GORAB: variants seen among roughly 807,000 people sequenced by gnomAD.
The protein encoded by GORAB is RAB6-interacting golgin.
GORAB carries 17 observed loss-of-function variants against 29.9 expected under a neutral mutation model. The ratio of observed to expected loss-of-function variants is 0.57; its 90% CI spans 0.39 to 0.85. GORAB has a LOEUF of 0.85. Among genes scored for constraint, GORAB ranks in the 40% least tolerant of loss-of-function variants. The pLI is 0.00. For missense variants in GORAB, 442 were observed against 437.8 expected (o/e 1.01, Z -0.09); for synonymous variants, 183 against 157.2 (o/e 1.16, Z -1.23).
rs765177742 is a variant in GORAB at position 170,539,340 on chromosome 1, G to T, written c.192G>T (p.Gln64His). ...GATCAACCTCATTACTTCCAGAGCA[G>T]CTGCTTTCAGCACCAAAACAGAGAG... ...QDGSTSLLPE[Q>H]LLSAPKQRVN... The change falls in exon 2 of 5, where the codon CAG (glutamine) becomes CAT (histidine). Residue 64 changes from glutamine (Q) to histidine (H), a missense_variant. Coordinates refer to ENST00000367763, the MANE Select transcript of GORAB (RefSeq NM_152281.3). 6.2e-7 allele frequency: 1 copy of T among 1,614,150 alleles called. No homozygotes were observed.
Position 170,544,686 on chromosome 1 carries a change from C to T in GORAB, c.522-19C>T, listed in dbSNP as rs777474951. The T allele has an allele frequency of 1.7e-5, 27 of 1,612,000 alleles. No individual in the cohort carries two copies. Among genetic ancestry groups the T allele is most frequent in the Non-Finnish European group, 2.3e-5 (27 of 1,178,162 alleles). ...TTTAAAATGTTCTTATTTTCCCACT[C>T]ACATACCTGATTTTCTAGATCCAAA... On this transcript the variant is annotated intron_variant, in intron 3 of 4. Coordinates refer to ENST00000367763, the MANE Select transcript of GORAB (RefSeq NM_152281.3).
At chr1:170,532,458 G>C (rs1648751455) in intron 1 of GORAB, 174 bp downstream of exon 1, 2 of 685,602 alleles carry the variant, frequency 2.9e-6, no homozygotes, top group East Asian at 2.7e-5. Flanking sequence ...TGGGAGTCAC[G>C]ACGGGAGGGG....
Position 170,552,598 on chromosome 1 carries a change from A to G in GORAB, c.*136A>G. The G allele has an allele frequency of 1.2e-6, 1 of 811,766 alleles. No homozygotes were observed. The allele number at this position is 811,766 out of a possible 1,614,324, so 50.3% of individuals were successfully genotyped here. A position where few individuals can be genotyped will look rare whatever the true frequency, so the allele number is the denominator to read the frequency against. ...ATTCATGATTAGTTTTAGTAAATTA[A>G]TAGGTTTGGCCATTCTAAAATCCAA... is the stretch of plus-strand genomic sequence containing the variant. On this transcript the variant is annotated 3_prime_UTR_variant, in exon 5 of 5. Transcript: ENST00000367763.
chr1:170,547,538 T>G (rs1385029475), intron 4 of GORAB, among the ~76,000 whole-genome samples: 1 of 152,240 alleles, frequency 6.6e-6, no homozygotes, highest in Admixed American at 6.5e-5. Context: ...AGTGGCTGCA[T>G]GTAGAACATT....
chr1:170,533,094 C>T (rs147165909), intron 1 of GORAB, among the ~76,000 whole-genome samples: 1 of 152,294 alleles, frequency 6.6e-6, no homozygotes, highest in East Asian at 1.9e-4. Flanking sequence ...CGTGGTAGTA[C>T]ACACAATTTC....
chr1:170,538,937 C>G, intron 1 of GORAB: 1 of 425,088 alleles, frequency 2.4e-6, no homozygotes, highest in Non-Finnish European at 4.2e-6. Flanking sequence ...AGAAACTTCA[C>G]TTTGTGACCT....
chr1:170,546,884 C>G (rs1449215074), intron 4 of GORAB, among the ~76,000 whole-genome samples: 5 of 152,042 alleles, frequency 3.3e-5, no homozygotes, highest in African/African-American at 4.8e-5. Context: ...GGGGTTTCAC[C>G]ATGTTGGCCA....
At chr1:170,532,520 T>C (rs1038085132) in intron 1 of GORAB, 1 of 514,426 alleles carries the variant, frequency 1.9e-6, no homozygotes, top group Non-Finnish European at 3.5e-6. Context: ...AGGAATCCAC[T>C]GTAGGGATTT....
At chr1:170,545,809 G>T in intron 4 of GORAB, 1 of 910,350 alleles carries the variant, frequency 1.1e-6, no homozygotes, top group Non-Finnish European at 1.3e-6. Flanking sequence ...GGTTGTCCTT[G>T]TGACTTTTGT....
intron 4 of GORAB, among the ~76,000 whole-genome samples, chr1:170,549,405 A>C (rs909181213): frequency 2.0e-5 from 3 of 152,220 alleles, no homozygotes; most frequent in African/African-American, 7.2e-5. Context: ...ACAAAATACA[A>C]AATCTTCAGT....
chr1:170,553,479 A>G lies in GORAB; in HGVS notation c.*1017A>G. 1 of 428,924 alleles carries G rather than the reference A, an allele frequency of 2.3e-6. No homozygotes were observed. The highest frequency in any genetic ancestry group is 4.5e-6 in the Non-Finnish European group (1 of 220,308). The allele number at this position is 428,924 out of a possible 1,614,324, so 26.6% of individuals were successfully genotyped here. Reference sequence around the variant, plus strand: ...AATATCACATTATGATTTATTTATCAGAAATTCCAAAAAGTAAAAATATTA... The same window carrying G: ...AATATCACATTATGATTTATTTATCGGAAATTCCAAAAAGTAAAAATATTA... On this transcript the variant is annotated 3_prime_UTR_variant, in exon 5 of 5. Transcript: ENST00000367763.
At chr1:170,532,423 T>A (rs1648746672) in intron 1 of GORAB, 139 bp downstream of exon 1, 21 of 922,270 alleles carry the variant, frequency 2.3e-5, no homozygotes, top group Non-Finnish European at 3.5e-5. Context: ...TGGACTGGAT[T>A]AGGGGGTTTC....
Position 170,553,233 on chromosome 1 carries a change from A to G in GORAB, c.*771A>G, listed in dbSNP as rs886045557. ...AAATAATATAGAAAATCTCATTGCT[A>G]CTTGTGATTATCAAAAAAAGTATGT... On this transcript the variant is annotated 3_prime_UTR_variant, in exon 5 of 5. Coordinates refer to ENST00000367763, the MANE Select transcript of GORAB (RefSeq NM_152281.3). 1 of 442,224 alleles carries G rather than the reference A, an allele frequency of 2.3e-6. No individual in the cohort carries two copies. The highest frequency in any genetic ancestry group is 2.5e-5 in the Admixed American group (1 of 40,250). The allele number at this position is 442,224 out of a possible 1,614,324, so 27.4% of individuals were successfully genotyped here. A position where few individuals can be genotyped will look rare whatever the true frequency, so the allele number is the denominator to read the frequency against.
intron 1 of GORAB, chr1:170,536,130 G>T (rs1432482014): frequency 6.6e-6 from 1 of 152,008 alleles, no homozygotes; most frequent in Non-Finnish European, 1.5e-5. Context: ...CGTGGTATAT[G>T]TCTCCGTTTA....
chr1:170,544,871 C>A, intron 4 of GORAB, 26 bp downstream of exon 4: 3 of 1,598,406 alleles, frequency 1.9e-6, no homozygotes, highest in Non-Finnish European at 2.6e-6. Flanking sequence ...TGAATCTGAA[C>A]AAGGAGTATG....
chr1:170,542,557 T>TA lies in GORAB; in HGVS notation c.492dup (p.Ala165SerfsTer5), dbSNP rs772141546. ...GGCTAATGGAAGAGAAAAATAAACG[T>TA]AAAAAAGCTCTTTTGGCTAAAGCTA... is the stretch of plus-strand genomic sequence containing the variant. On this transcript the variant is annotated frameshift_variant, in exon 3 of 5. Coordinates refer to ENST00000367763, the MANE Select transcript of GORAB (RefSeq NM_152281.3). LOFTEE classifies it high-confidence loss of function. The TA allele has an allele frequency of 6.2e-7, 1 of 1,613,784 alleles. No homozygotes were observed. The highest frequency in any genetic ancestry group is 8.5e-7 in the Non-Finnish European group (1 of 1,179,778).
rs921830496 is a variant in GORAB at position 170,553,749 on chromosome 1, G to T, written c.*1287G>T. ...AACAGAAGCATTTCTATAGATAGTTGTGCTTTTATTTATGAAATACATAAA... is the reference window on the plus strand; with the variant it reads ...AACAGAAGCATTTCTATAGATAGTTTTGCTTTTATTTATGAAATACATAAA... On this transcript the variant is annotated 3_prime_UTR_variant, in exon 5 of 5. Transcript: ENST00000367763. 2.2e-6 allele frequency: 1 copy of T among 452,444 alleles called. No homozygotes were observed. Among genetic ancestry groups the T allele is most frequent in the African/African-American group, 2.0e-5 (1 of 49,878 alleles). The allele number at this position is 452,444 out of a possible 1,614,324, so 28.0% of individuals were successfully genotyped here.
chr1:170,532,415 G>C (rs1328942606), intron 1 of GORAB, 131 bp downstream of exon 1: 1 of 985,676 alleles, frequency 1.0e-6, no homozygotes, highest in Non-Finnish European at 1.6e-6. Context: ...TAAGTACGTG[G>C]ACTGGATTAG....
chr1:170,541,927 A>G (rs1156792184), intron 2 of GORAB, among the ~76,000 whole-genome samples: 1 of 152,246 alleles, frequency 6.6e-6, no homozygotes, highest in South Asian at 2.1e-4. Context: ...TGACTGGGTA[A>G]TATAGCGACA....
Sources: allele counts gnomAD v4.1 joint callset (sites outside exome capture counted in the v4.1 genomes callset), GRCh38; gene constraint gnomAD v4.1.1; transcripts MANE v1.5; gene names NCBI Gene and HGNC (gene_info 2026-07-23, HGNC 2026-07-21).